Variants in PCDHGB5 observed in about 807,000 individuals in gnomAD.
PCDHGB5 encodes protocadherin gamma-B5.
Under a neutral mutation model 62.9 loss-of-function variants are expected in PCDHGB5, and 48 were observed. That is an observed-to-expected ratio of 0.76 (90% CI 0.61 to 0.97). The LOEUF is 0.97. Ranked by LOEUF, PCDHGB5 falls within the 50% of genes least tolerant of loss-of-function variation. PCDHGB5 has a pLI of 0.00. For missense variants in PCDHGB5, 1,118 were observed against 1,198.6 expected, an observed-to-expected ratio of 0.93 and a Z score of 0.99; for synonymous variants, 474 against 511.2, an observed-to-expected ratio of 0.93 and a Z score of 0.98.
At position 141,511,622 on chromosome 5, in the gene PCDHGB5, A is replaced by G; in HGVS notation, c.*449A>G. 4.3e-6 allele frequency: 1 copy of G among 232,852 alleles called. No individual in the cohort carries two copies. The highest frequency in any genetic ancestry group is 8.7e-6 in the Non-Finnish European group (1 of 114,994). The allele number at this position is 232,852 out of a possible 1,614,324, so 14.4% of individuals were successfully genotyped here. A position where few individuals can be genotyped will look rare whatever the true frequency, so the allele number is the denominator to read the frequency against. On this transcript the variant is annotated 3_prime_UTR_variant, in exon 4 of 4. Transcript: ENST00000617380. ...AACCTACAAGCCTCCTAGTTCTGAA[A>G]AGTTGGAAGGGCATCATGACCTCTT...
intron 1 of PCDHGB5, among the ~76,000 whole-genome samples, chr5:141,430,390 A>G (rs1231067120): frequency 6.6e-6 from 1 of 152,216 alleles, no homozygotes; most frequent in Non-Finnish European, 1.5e-5. Flanking sequence ...TGGGAAAAAA[A>G]AAAAAAGCTC....
At position 141,431,747 on chromosome 5, in the gene PCDHGB5, C is replaced by T. The variant is rs371020840; in HGVS notation, c.2397+31223C>T. The T allele has an allele frequency of 5.0e-6, 8 of 1,614,064 alleles. No individual in the cohort carries two copies. In the Admixed American group the frequency reaches 5.0e-5, roughly 10 times the overall value. On this transcript the variant is annotated intron_variant, in intron 1 of 3. Transcript: ENST00000617380. This position sits in a 1 kb window ranked among gnomAD's most constrained non-coding sequence, Gnocchi z 4.8. ...AATGGATAATGCAGGATATTCTGCG[C>T]GAGCCAAAGTCCTGATCACTGTTCT...
At chr5:141,497,223 T>C (rs921763195) in intron 2 of PCDHGB5, among the ~76,000 whole-genome samples, 1 of 151,762 alleles carries the variant, frequency 6.6e-6, no homozygotes, top group Admixed American at 6.6e-5. Context: ...GGGGGGAAGA[T>C]CAGAGAAGGC....
In PCDHGB5 at chr5:141,429,386, T is replaced by A. The variant is rs534045300; in HGVS notation, c.2397+28862T>A. Among the ~76,000 whole-genome samples the A allele has an allele frequency of 4.0e-3, 602 of 151,936 alleles. 6 individuals carry two copies. The highest frequency in any genetic ancestry group is 0.011 in the Admixed American group (171 of 15,268). On this transcript the variant is annotated intron_variant, in intron 1 of 3. Coordinates refer to ENST00000617380, the MANE Select transcript of PCDHGB5 (RefSeq NM_018925.3). ...AAAATGGAGAAAATGTGTTTTTTTTTTAAAAAAAATTGAGATTAAGGTCTC... is the reference window on the plus strand; with the variant it reads ...AAAATGGAGAAAATGTGTTTTTTTTATAAAAAAAATTGAGATTAAGGTCTC...
At chr5:141,447,642 T>G (rs1275164919) in intron 1 of PCDHGB5, among the ~76,000 whole-genome samples, 2 of 152,166 alleles carry the variant, frequency 1.3e-5, no homozygotes, top group Non-Finnish European at 2.9e-5. Flanking sequence ...TGAATGATGG[T>G]AGAATTTTCC....
intron 1 of PCDHGB5, chr5:141,409,995 CG>C: frequency 1.2e-6 from 2 of 1,613,308 alleles, no homozygotes; most frequent in Non-Finnish European, 1.7e-6. Context: ...GACGCCGACT[CG>C]GGACACAACG....
chr5:141,487,936 G>C lies in PCDHGB5; in HGVS notation c.2398-6871G>C. On this transcript the variant is annotated intron_variant, in intron 1 of 3. Coordinates refer to ENST00000617380, the MANE Select transcript of PCDHGB5 (RefSeq NM_018925.3). This position sits in a 1 kb window ranked among gnomAD's most constrained non-coding sequence, Gnocchi z 5.0. The stretch of plus-strand genomic sequence containing the variant: ...AGGAGGCTACAGTGCACAGGGTACA[G>C]TGCACCAGGCAGTCACTTGGACAAA... 4.9e-6 allele frequency: 3 copies of C among 607,906 alleles called. No homozygotes were observed. The highest frequency in any genetic ancestry group is 3.7e-5 in the African/African-American group (2 of 54,158). 37.7% of individuals were successfully genotyped at this position (607,906 alleles called of 1,614,324 possible). A position where few individuals can be genotyped will look rare whatever the true frequency, so the allele number is the denominator to read the frequency against.
Position 141,511,229 on chromosome 5 carries a change from T to G in PCDHGB5, c.*56T>G. 6.3e-7 allele frequency: 1 copy of G among 1,598,500 alleles called. No homozygotes were observed. Among genetic ancestry groups the G allele is most frequent in the Non-Finnish European group, 8.5e-7 (1 of 1,172,476 alleles). On this transcript the variant is annotated 3_prime_UTR_variant, in exon 4 of 4. Transcript: ENST00000617380. ...GCCTCTCCCCAACCAGCCCAGCTTC[T>G]CCTTACCTGCACCCAGGCCTCAGAG...
intron 1 of PCDHGB5, chr5:141,409,355 A>G (rs778227478): frequency 6.2e-7 from 1 of 1,614,032 alleles, no homozygotes; most frequent in South Asian, 1.1e-5. Flanking sequence ...AGTCAGGTGT[A>G]ATATAGAAAC....
chr5:141,405,967 G>C (rs76683972), intron 1 of PCDHGB5, among the ~76,000 whole-genome samples: 1 of 151,968 alleles, frequency 6.6e-6, no homozygotes, highest in Non-Finnish European at 1.5e-5. Context: ...TGCTGTCAAC[G>C]TAAACCATAC....
chr5:141,463,965 C>T (rs1207852177), intron 1 of PCDHGB5, among the ~76,000 whole-genome samples: 1 of 151,648 alleles, frequency 6.6e-6, no homozygotes, highest in African/African-American at 2.4e-5. Context: ...AAAATAGCTT[C>T]ATAAAACTCC....
In PCDHGB5 at chr5:141,487,161, T is replaced by G; in HGVS notation, c.2398-7646T>G. ...CTCTCTACCTCTGTTACTCTCTTAGTGTCCTTAGAGGAAGACACTCATCCA... is the reference window on the plus strand; with the variant it reads ...CTCTCTACCTCTGTTACTCTCTTAGGGTCCTTAGAGGAAGACACTCATCCA... On this transcript the variant is annotated intron_variant, in intron 1 of 3. Transcript: ENST00000617380. The surrounding 1 kb of genome is among the most constrained non-coding windows in gnomAD (Gnocchi z 5.0). The G allele has an allele frequency of 6.2e-7, 1 of 1,613,528 alleles. No individual in the cohort carries two copies. The highest frequency in any genetic ancestry group is 1.1e-5 in the South Asian group (1 of 91,072).
rs753709757 is a variant in PCDHGB5 at position 141,399,675 on chromosome 5, T to C, written c.1548T>C (p.Phe516=). 1.9e-6 allele frequency: 3 copies of C among 1,613,618 alleles called. No individual in the cohort carries two copies. The highest frequency in any genetic ancestry group is 2.2e-5 in the South Asian group (2 of 91,070). ...GGGTGGTGTTCGCGCAGCGCGCCTT[T>C]GACTACGAGCAGCTGCGCACCTTCG... is the stretch of plus-strand genomic sequence containing the variant. The part of the protein sequence containing the change: ...QSGVVFAQRA[F]DYEQLRTFEL... Residue 516 remains phenylalanine, a synonymous_variant, in exon 1 of 4, where the codon TTT becomes TTC. Coordinates refer to ENST00000617380, the MANE Select transcript of PCDHGB5 (RefSeq NM_018925.3).
At chr5:141,418,348 T>C in intron 1 of PCDHGB5, 4 of 1,613,982 alleles carry the variant, frequency 2.5e-6, no homozygotes, top group Non-Finnish European at 3.4e-6. Context: ...CTGATATTAG[T>C]ATGAATTCGC....
intron 1 of PCDHGB5, among the ~76,000 whole-genome samples, chr5:141,484,752 A>G (rs181317421): frequency 6.6e-5 from 10 of 151,098 alleles, no homozygotes; most frequent in Admixed American, 3.3e-4. Context: ...AAAAAAATGT[A>G]TATATATATA....
chr5:141,486,029 C>G lies in PCDHGB5; in HGVS notation c.2398-8778C>G. Reference sequence around the variant, plus strand: ...CACCTTTTATTTCAGTGGTCATACCCCTGATCGTGTAAGAAACCTCTTTAG... The same window carrying G: ...CACCTTTTATTTCAGTGGTCATACCGCTGATCGTGTAAGAAACCTCTTTAG... On this transcript the variant is annotated intron_variant, in intron 1 of 3. Transcript: ENST00000617380. The surrounding 1 kb of genome is among the most constrained non-coding windows in gnomAD (Gnocchi z 5.0). 6.2e-7 allele frequency: 1 copy of G among 1,614,016 alleles called. No homozygotes were observed. Among genetic ancestry groups the G allele is most frequent in the Non-Finnish European group, 8.5e-7 (1 of 1,179,900 alleles).
At chr5:141,492,256 A>G (rs1323720621) in intron 1 of PCDHGB5, among the ~76,000 whole-genome samples, 1 of 151,974 alleles carries the variant, frequency 6.6e-6, no homozygotes, top group Non-Finnish European at 1.5e-5. Context: ...CGGCCCACAC[A>G]AGTTGCACGG....
At chr5:141,410,752 GT>G (rs2095421794) in intron 1 of PCDHGB5, 1 of 1,130,824 alleles carries the variant, frequency 8.8e-7, no homozygotes, top group Non-Finnish European at 1.2e-6. Context: ...TTTTCTCAAT[GT>G]TTTTTCAATT....
intron 2 of PCDHGB5, among the ~76,000 whole-genome samples, chr5:141,495,994 T>C (rs2099765151): frequency 6.6e-6 from 1 of 152,146 alleles, no homozygotes; most frequent in Non-Finnish European, 1.5e-5. Flanking sequence ...ATCTCTCTTT[T>C]TCTTTTATCT....
Sources: allele counts gnomAD v4.1 joint callset (sites outside exome capture counted in the v4.1 genomes callset), GRCh38; gene constraint gnomAD v4.1.1; non-coding constraint Gnocchi (gnomAD v3.1); transcripts MANE v1.5; gene names NCBI Gene and HGNC (gene_info 2026-07-23, HGNC 2026-07-21).